CTU2: variants seen among roughly 807,000 people sequenced by gnomAD.
The protein encoded by CTU2 is cytosolic thiouridylase subunit 2.
In CTU2, 80 loss-of-function variants were observed where a neutral mutation model predicts 64.1. The ratio of observed to expected loss-of-function variants is 1.25; its 90% confidence interval spans 1.04 to 1.50. The LOEUF (loss-of-function observed/expected upper bound fraction) is 1.50. Ranked by LOEUF, CTU2 falls within the 40% of genes most tolerant of loss-of-function variation. The pLI is 0.00. For synonymous variants in CTU2, 482 were observed against 285.3 expected, an observed-to-expected ratio of 1.69 and a Z score of -6.95; for missense variants, 1,110 against 690.2, an observed-to-expected ratio of 1.61 and a Z score of -6.81.
intron 4 of CTU2, 92 bp downstream of exon 4, chr16:88,710,374 G>A (rs1555550174): frequency 7.3e-7 from 1 of 1,371,818 alleles, no homozygotes. Flanking sequence ...CTCTTGGTTG[G>A]GGCTAGAGAG....
chr16:88,712,224 C>G, intron 5 of CTU2, 50 bp from the exon 6 acceptor site: 1 of 1,499,516 alleles, frequency 6.7e-7, no homozygotes, highest in Non-Finnish European at 9.1e-7. Context: ...TGCAGCCTGC[C>G]CTGCCTGGCT....
rs531374262 is a variant in CTU2, at chr16:88,713,330, C to G, written c.756C>G (p.His252Gln). The G allele has an allele frequency of 1.3e-6, 2 of 1,599,720 alleles. No individual in the cohort carries two copies. The highest frequency in any genetic ancestry group is 1.1e-5 in the South Asian group (1 of 90,182). ...GCTTTAGGACCCACCTGATCCTCCA[C>G]ATGGCCCGAGCCCACGGCTACTCCA... ...LQTLRTHLIL[H>Q]MARAHGYSKV... The change falls in exon 8 of 15, where the codon CAC becomes CAG. Residue 252 changes from histidine to glutamine, a missense_variant. Physicochemically the swap from His to Gln is conservative, Grantham distance 24. Coordinates refer to ENST00000453996, the MANE Select transcript of CTU2 (RefSeq NM_001012759.3).
intron 5 of CTU2, 114 bp from the exon 6 acceptor site, chr16:88,712,153 GCCAGGAA>G (rs1911376204): frequency 3.4e-6 from 3 of 870,966 alleles, no homozygotes; most frequent in Non-Finnish European, 5.6e-6. Flanking sequence ...CCACAGCTCC[GCCAGGAA>G]GCACCGCCCT....
chr16:88,714,948 C>T (rs1400631530), intron 13 of CTU2, 22 bp downstream of exon 13: 1 of 1,610,380 alleles, frequency 6.2e-7, no homozygotes. Flanking sequence ...CCCACCTGTC[C>T]TGGGCCGGGC....
At position 88,712,631 on chromosome 16, in the gene CTU2, C is replaced by T; in HGVS notation, c.463C>T (p.Leu155=). ...HVVALEEVFS[L]PPSVLWCSAQ... is the part of the protein sequence containing the mutation. Reference sequence around the variant, plus strand: ...TCCCTCATCCCGGAAGGTGTTCAGCCTGCCACCGTCGGTGCTTTGGTGCTC... The same window carrying T: ...TCCCTCATCCCGGAAGGTGTTCAGCTTGCCACCGTCGGTGCTTTGGTGCTC... The change falls in exon 7 of 15, where the codon CTG becomes TTG. Residue 155 remains leucine, a synonymous_variant. Coordinates refer to ENST00000453996, the MANE Select transcript of CTU2 (RefSeq NM_001012759.3). 2 of 1,609,982 alleles carry T rather than the reference C, an allele frequency of 1.2e-6. No homozygotes were observed. The highest frequency in any genetic ancestry group is 2.2e-5 in the East Asian group (1 of 44,868).
At position 88,707,334 on chromosome 16, in the gene CTU2, A is replaced by T. The variant is rs949659706; in HGVS notation, c.143+124A>T. The T allele has an allele frequency of 1.4e-5, 13 of 917,374 alleles. No homozygotes were observed. In the East Asian group the frequency reaches 2.6e-4, roughly 19 times the overall value. 56.8% of individuals were successfully genotyped at this position (917,374 alleles called of 1,614,324 possible). A position where few individuals can be genotyped will look rare whatever the true frequency, so the allele number is the denominator to read the frequency against. ...TGTACTTACTTTATTCCTGCTCCTGATGGGGTCCCTCGTGCCCCTGGTGTT... is the reference window on the plus strand; with the variant it reads ...TGTACTTACTTTATTCCTGCTCCTGTTGGGGTCCCTCGTGCCCCTGGTGTT... On this transcript the variant is annotated intron_variant, in intron 2 of 14. Transcript: ENST00000453996.
chr16:88,714,252 GGGGGGTGCGCGGGTGTGTGCTGTGCGC>G, intron 10 of CTU2, 25 bp downstream of exon 10: 5 of 1,598,162 alleles, frequency 3.1e-6, no homozygotes, highest in African/African-American at 2.8e-5. Flanking sequence ...GGGTGTGTGC[GGGGGGTGCGCGGGTGTGTGCTGTGCGC>G]GGGTGTGTGC....
chr16:88,714,468 C>T lies in CTU2; in HGVS notation c.1183C>T (p.Leu395=), dbSNP rs770038426. The T allele has an allele frequency of 1.5e-5, 24 of 1,612,514 alleles. No individual in the cohort carries two copies. Among genetic ancestry groups the T allele is most frequent in the South Asian group, 2.2e-5 (2 of 91,082 alleles). Residue 395 remains leucine, a synonymous_variant, in exon 11 of 15, where the codon CTG becomes TTG. Coordinates refer to ENST00000453996, the MANE Select transcript of CTU2 (RefSeq NM_001012759.3). ...CCGCTGCCTCCTCTGCATGTGTGCCCTGGACGTCGACGCCGCTGGTCTGTG... is the reference window on the plus strand; with the variant it reads ...CCGCTGCCTCCTCTGCATGTGTGCCTTGGACGTCGACGCCGCTGGTCTGTG... ...GPRCLLCMCA[L]DVDAADSATA... is the part of the protein sequence containing the mutation.
intron 2 of CTU2, 62 bp downstream of exon 2, chr16:88,707,272 G>T (rs997368271): frequency 7.0e-7 from 1 of 1,419,820 alleles, no homozygotes; most frequent in Admixed American, 1.7e-5. Flanking sequence ...CAGGATAGCC[G>T]CAACTTGTGA....
intron 5 of CTU2, chr16:88,711,960 G>A (rs1911355208): frequency 3.3e-6 from 2 of 605,236 alleles, no homozygotes; most frequent in Non-Finnish European, 5.9e-6. Context: ...AGTGGCGGCT[G>A]CCCAGCCCCC....
intron 9 of CTU2, 78 bp downstream of exon 9, chr16:88,713,856 G>T: frequency 6.4e-7 from 1 of 1,574,740 alleles, no homozygotes; most frequent in East Asian, 2.2e-5. Context: ...CCTCTCACAG[G>T]CTCAGGTCAC....
At chr16:88,708,120 G>C (rs1444223305) in intron 2 of CTU2, among the ~76,000 whole-genome samples, 3 of 152,192 alleles carry the variant, frequency 2.0e-5, no homozygotes, top group African/African-American at 7.2e-5. Flanking sequence ...GGCCAAGATA[G>C]GTACTTCTTT....
chr16:88,706,816 G>T, intron 1 of CTU2: 2 of 530,534 alleles, frequency 3.8e-6, no homozygotes, highest in Non-Finnish European at 6.7e-6. Context: ...ACTGGGGACG[G>T]CTCTGCCGCT....
chr16:88,709,830 C>G (rs1288996918), intron 2 of CTU2, 108 bp from the exon 3 acceptor site: 5 of 943,852 alleles, frequency 5.3e-6, no homozygotes, highest in Non-Finnish European at 8.5e-6. Flanking sequence ...GAAGATGCTG[C>G]TTTTAAAGAT....
chr16:88,713,778 G>A lies in CTU2; in HGVS notation c.1005G>A (p.Lys335=). 6.2e-7 allele frequency: 1 copy of A among 1,612,436 alleles called. No individual in the cohort carries two copies. The highest frequency in any genetic ancestry group is 1.3e-5 in the African/African-American group (1 of 75,056). ...PSVFTPAVDT[K]APEKASIHRL... ...TCTTCACACCAGCCGTCGACACCAA[G>A]GTGGGCCTTGTGGGCTGGGCAACCT... The change falls in exon 9 of 15, where the codon AAG becomes AAA. Residue 335 remains lysine (K), a splice_region_variant and synonymous_variant. Coordinates refer to ENST00000453996, the MANE Select transcript of CTU2 (RefSeq NM_001012759.3).
At chr16:88,708,684 C>T (rs1279209432) in intron 2 of CTU2, among the ~76,000 whole-genome samples, 3 of 152,088 alleles carry the variant, frequency 2.0e-5, no homozygotes, top group African/African-American at 4.8e-5. Flanking sequence ...GCCTCTTGTA[C>T]GTGGTATCCA....
In CTU2 at chr16:88,713,689, C is replaced by T. The variant is rs763162186; in HGVS notation, c.916C>T (p.Pro306Ser). The T allele has an allele frequency of 1.7e-5, 28 of 1,612,522 alleles. No individual in the cohort carries two copies. Among genetic ancestry groups the T allele is most frequent in the Admixed American group, 3.3e-5 (2 of 59,998 alleles). The change falls in exon 9 of 15, where the codon CCC becomes TCC. Residue 306 changes from proline to serine, a missense_variant. Physicochemically the swap from Pro to Ser is moderately conservative, Grantham distance 74. Coordinates refer to ENST00000453996, the MANE Select transcript of CTU2 (RefSeq NM_001012759.3). Reference sequence around the variant, plus strand: ...GCACGGGGACGTGGTGGTGGTGCGGCCCATGCGGGACCACACCCTGAAGGA... The same window carrying T: ...GCACGGGGACGTGGTGGTGGTGCGGTCCATGCGGGACCACACCCTGAAGGA... ...ERHGDVVVVR[P>S]MRDHTLKEVA...
rs564860653 is a variant in CTU2 at position 88,708,422 on chromosome 16, G to GCCCA, written c.143+1212_143+1213insCCCA. Among the ~76,000 whole-genome samples, 922 of 152,268 alleles carry GCCCA rather than the reference G, an allele frequency of 6.1e-3. 12 individuals are homozygous for GCCCA. Among genetic ancestry groups the GCCCA allele is most frequent in the African/African-American group, 0.021 (862 of 41,534 alleles). ...GAGCCCAGACGCAGCATGTACACGT[G>GCCCA]GACCCACCACGCTTGAATCCCAGCT... On this transcript the variant is annotated intron_variant, in intron 2 of 14. Coordinates refer to ENST00000453996, the MANE Select transcript of CTU2 (RefSeq NM_001012759.3).
At chr16:88,710,077 C>G in intron 3 of CTU2, 61 bp downstream of exon 3, 2 of 1,589,654 alleles carry the variant, frequency 1.3e-6, no homozygotes, top group South Asian at 2.2e-5. Flanking sequence ...CCCTGCTTGT[C>G]CCTCCCACAG....
Sources: gnomAD v4.1 joint callset for allele counts (sites outside exome capture counted in the v4.1 genomes callset) on GRCh38, gnomAD v4.1.1 for gene constraint, MANE v1.5 for transcripts, NCBI Gene and HGNC (gene_info 2026-07-23, HGNC 2026-07-21) for gene names.